Variants in PXDNL observed in about 807,000 individuals in gnomAD.
PXDNL encodes probable oxidoreductase PXDNL.
Under a neutral mutation model 150.8 loss-of-function variants are expected in PXDNL, and 145 were observed. The observed-to-expected ratio is 0.96, with a 90% CI of 0.84 to 1.10. The LOEUF is 1.10. Ranked by LOEUF, PXDNL falls within the 50% of genes least tolerant of loss-of-function variation. The pLI, the probability that PXDNL is intolerant of heterozygous loss-of-function variation, is 0.00. For synonymous variants in PXDNL, 757 were observed against 725.7 expected, an observed-to-expected ratio of 1.04 and a Z score of -0.69; for missense variants, 2,087 against 1,873.9, an observed-to-expected ratio of 1.11 and a Z score of -2.10.
chr8:51,360,418 T>C (rs779552475), intron 19 of PXDNL, among the ~76,000 whole-genome samples: 2 of 152,194 alleles, frequency 1.3e-5, no homozygotes, highest in Non-Finnish European at 2.9e-5. Flanking sequence ...TAAACATGCA[T>C]GTATCATACG....
At chr8:51,696,805 T>G (rs1360531424) in intron 1 of PXDNL, among the ~76,000 whole-genome samples, 2 of 26,424 alleles carry the variant, frequency 7.6e-5, no homozygotes, top group Admixed American at 4.0e-4. Flanking sequence ...ACATAGGTCT[T>G]CACACACACA....
At chr8:51,494,562 T>C (rs1051283845) in intron 5 of PXDNL, among the ~76,000 whole-genome samples, 43 of 151,734 alleles carry the variant, frequency 2.8e-4, no homozygotes, top group Middle Eastern at 3.2e-3. Context: ...ACACATAGGC[T>C]CAAAATAAAG....
At chr8:51,370,751 C>A (rs1367046568) in intron 19 of PXDNL, among the ~76,000 whole-genome samples, 1 of 152,214 alleles carries the variant, frequency 6.6e-6, no homozygotes, top group African/African-American at 2.4e-5. Context: ...TACCCATCAT[C>A]ACGCCTGGCT....
At chr8:51,696,858 G>GTTCCACACACATCCACACACAA (rs1242086372) in intron 1 of PXDNL, among the ~76,000 whole-genome samples, 5 of 103,636 alleles carry the variant, frequency 4.8e-5, no homozygotes, top group African/African-American at 1.2e-4. Context: ...CACACACACA[G>GTTCCACACACATCCACACACAA]GTCCACACAC....
chr8:51,442,924 T>C (rs903323012), intron 12 of PXDNL, among the ~76,000 whole-genome samples: 1 of 152,174 alleles, frequency 6.6e-6, no homozygotes, highest in Non-Finnish European at 1.5e-5. Context: ...GCAATTTAAG[T>C]AACATTGGAA....
chr8:51,469,908 T>A (rs1386224999), intron 8 of PXDNL, among the ~76,000 whole-genome samples: 1 of 152,132 alleles, frequency 6.6e-6, no homozygotes, highest in East Asian at 1.9e-4. Context: ...GACAGACATT[T>A]TTACCCATAC....
At chr8:51,779,616 T>C (rs2037390594) in intron 1 of PXDNL, among the ~76,000 whole-genome samples, 1 of 152,200 alleles carries the variant, frequency 6.6e-6, no homozygotes, top group Non-Finnish European at 1.5e-5. Context: ...GGAGTGCTGA[T>C]GGCACGCAGC....
At chr8:51,718,553 C>T (rs1164435274) in intron 1 of PXDNL, among the ~76,000 whole-genome samples, 3 of 152,254 alleles carry the variant, frequency 2.0e-5, no homozygotes, top group Non-Finnish European at 4.4e-5. Flanking sequence ...TTGCCTCTAA[C>T]TGCATTTTCA....
rs1253852541 is a variant in PXDNL at position 51,809,330 on chromosome 8, C to G, written c.15G>C (p.Leu5=). The G allele has an allele frequency of 1.3e-6, 2 of 1,558,952 alleles. No individual in the cohort carries two copies. Among genetic ancestry groups the G allele is most frequent in the African/African-American group, 1.4e-5 (1 of 73,354 alleles). ...GGAGAAAGAGAGTGGTCCAGCAGAA[C>G]AGTCTGGGCTCCATCGCTCCATTCG... MEPR[L]FCWTTLFLLA... is the part of the protein sequence containing the mutation. Residue 5 remains leucine (L), a synonymous_variant, in exon 1 of 23, where the codon CTG becomes CTC. Coordinates refer to ENST00000356297, the MANE Select transcript of PXDNL (RefSeq NM_144651.5).
At chr8:51,421,632 G>T (rs564616127) in intron 14 of PXDNL, among the ~76,000 whole-genome samples, 5 of 152,138 alleles carry the variant, frequency 3.3e-5, no homozygotes, top group Admixed American at 6.5e-5. Context: ...CCGAGAGTCG[G>T]AAGTTGCAGT....
intron 8 of PXDNL, among the ~76,000 whole-genome samples, chr8:51,458,406 ATTT>A (rs35456821): frequency 0.042 from 6,357 of 152,174 alleles, 424 homozygotes; most frequent in African/African-American, 0.14. Flanking sequence ...ATGTTTACAG[ATTT>A]TTTTTCTGGC....
intron 17 of PXDNL, among the ~76,000 whole-genome samples, chr8:51,399,003 TAA>T (rs901442181): frequency 4.6e-5 from 7 of 152,242 alleles, no homozygotes; most frequent in Admixed American, 3.3e-4. Context: ...TTGATATATA[TAA>T]GAGGAGATTG....
At chr8:51,746,209 C>T (rs941708836) in intron 1 of PXDNL, among the ~76,000 whole-genome samples, 1 of 152,196 alleles carries the variant, frequency 6.6e-6, no homozygotes, top group Non-Finnish European at 1.5e-5. Flanking sequence ...TCTCAAGGGA[C>T]AATGCCAAAA....
chr8:51,771,879 C>T (rs1347981240), intron 1 of PXDNL, among the ~76,000 whole-genome samples: 1 of 152,136 alleles, frequency 6.6e-6, no homozygotes, highest in African/African-American at 2.4e-5. Flanking sequence ...CACGTGGTTC[C>T]TCTGCCTCCC....
intron 4 of PXDNL, among the ~76,000 whole-genome samples, chr8:51,526,863 G>C (rs562415959): frequency 6.6e-6 from 1 of 152,160 alleles, no homozygotes; most frequent in East Asian, 1.9e-4. Flanking sequence ...TCTCCACCTG[G>C]GTGTCCGGCA....
intron 8 of PXDNL, among the ~76,000 whole-genome samples, chr8:51,462,772 C>T (rs1342649821): frequency 6.6e-6 from 1 of 152,052 alleles, no homozygotes; most frequent in Non-Finnish European, 1.5e-5. Flanking sequence ...CTAGAGACAT[C>T]AGCATGCAAA....
intron 1 of PXDNL, among the ~76,000 whole-genome samples, chr8:51,730,234 T>C (rs1394476486): frequency 6.6e-6 from 1 of 152,214 alleles, no homozygotes; most frequent in African/African-American, 2.4e-5. Flanking sequence ...CTCTCTGTAC[T>C]GTCCACTCAA....
At chr8:51,620,076 A>C (rs1269726721) in intron 2 of PXDNL, among the ~76,000 whole-genome samples, 2 of 152,198 alleles carry the variant, frequency 1.3e-5, no homozygotes, top group African/African-American at 4.8e-5. Flanking sequence ...GAAAGGCAAC[A>C]CACCATTTTG....
intron 2 of PXDNL, among the ~76,000 whole-genome samples, chr8:51,601,313 G>C (rs746677925): frequency 6.6e-6 from 1 of 151,802 alleles, no homozygotes; most frequent in African/African-American, 2.4e-5. Flanking sequence ...CAATGTTGTC[G>C]TTGGGGTGTT....
Sources: gnomAD v4.1 joint callset for allele counts (sites outside exome capture counted in the v4.1 genomes callset) on GRCh38, gnomAD v4.1.1 for gene constraint, MANE v1.5 for transcripts, NCBI Gene and HGNC (gene_info 2026-07-23, HGNC 2026-07-21) for gene names.